Variants in LSAMP observed in about 807,000 individuals in gnomAD.
LSAMP encodes limbic system-associated membrane protein.
Under a neutral mutation model 38.6 loss-of-function variants are expected in LSAMP, and 7 were observed. The observed-to-expected ratio is 0.18, with a 90% CI of 0.10 to 0.34. The LOEUF (loss-of-function observed/expected upper bound fraction) is 0.34, where lower values mean the gene tolerates loss of function less well. LSAMP is among the 10% of genes least tolerant of loss of function. The probability of loss-of-function intolerance (pLI) is 1.00; values close to 1 mark genes in which losing one functional copy is unlikely to be tolerated. For missense variants in LSAMP, 313 were observed against 420.0 expected, an observed-to-expected ratio of 0.75 and a Z score of 2.23; for synonymous variants, 154 against 166.8, an observed-to-expected ratio of 0.92 and a Z score of 0.59.
intron 2 of LSAMP, among the ~76,000 whole-genome samples, chr3:116,064,124 C>T (rs990308722): frequency 3.3e-5 from 5 of 152,186 alleles, no homozygotes; most frequent in Non-Finnish European, 5.9e-5. Flanking sequence ...AAAGGTATAA[C>T]CTCTTCCTCT....
chr3:115,901,616 C>T (rs952222185), intron 3 of LSAMP, among the ~76,000 whole-genome samples: 7 of 152,120 alleles, frequency 4.6e-5, no homozygotes, highest in Admixed American at 2.0e-4. Flanking sequence ...ACTCAGTAAT[C>T]GAAGTCAGAA....
At chr3:116,338,273 A>T (rs752492925) in intron 1 of LSAMP, among the ~76,000 whole-genome samples, 1 of 151,972 alleles carries the variant, frequency 6.6e-6, no homozygotes, top group Admixed American at 6.6e-5. Flanking sequence ...GTGGATAAAT[A>T]CTGTAGGGTT....
At chr3:116,353,025 G>A (rs1401134691) in intron 1 of LSAMP, among the ~76,000 whole-genome samples, 1 of 152,030 alleles carries the variant, frequency 6.6e-6, no homozygotes, top group African/African-American at 2.4e-5. Flanking sequence ...ATTCAGCTGG[G>A]CTCTGTACCC....
chr3:116,221,312 ACT>A (rs1349711157), intron 1 of LSAMP, among the ~76,000 whole-genome samples: 1 of 152,190 alleles, frequency 6.6e-6, no homozygotes, highest in Non-Finnish European at 1.5e-5. Flanking sequence ...GAAAATTGAG[ACT>A]CTGCAAGTTA....
chr3:116,188,057 T>G (rs746026961), intron 1 of LSAMP, among the ~76,000 whole-genome samples: 25 of 152,026 alleles, frequency 1.6e-4, no homozygotes, highest in Non-Finnish European at 2.9e-4. Flanking sequence ...TTTGTACACG[T>G]TTTTCTATGC....
intron 1 of LSAMP, among the ~76,000 whole-genome samples, chr3:116,276,137 A>G (rs1041388198): frequency 6.6e-6 from 1 of 152,218 alleles, no homozygotes; most frequent in Non-Finnish European, 1.5e-5. Context: ...TAATTGGTTT[A>G]TACTTTAATA....
chr3:116,294,596 T>TAATC (rs2047305053), intron 1 of LSAMP, among the ~76,000 whole-genome samples: 1 of 152,226 alleles, frequency 6.6e-6, no homozygotes, highest in Non-Finnish European at 1.5e-5. Flanking sequence ...AGCATTATAG[T>TAATC]AATCAGTGTT....
intron 3 of LSAMP, among the ~76,000 whole-genome samples, chr3:115,880,557 C>T (rs138400220): frequency 2.0e-4 from 31 of 152,092 alleles, no homozygotes; most frequent in Admixed American, 1.0e-3. Context: ...TAAAGGACTA[C>T]GCTGAAAATT....
rs77526043 is a variant in LSAMP at position 116,131,489 on chromosome 3, G to A, written c.156-44933C>T. ...ACTGTCTTCTGGGAAAGAGATACTT[G>A]CTCTTCCCCCAAGGGACTTAAAGCC... On this transcript the variant is annotated intron_variant, in intron 1 of 6. Coordinates refer to ENST00000490035, the MANE Select transcript of LSAMP (RefSeq NM_002338.5). Among the ~76,000 whole-genome samples, 675 of 152,144 alleles carry A rather than the reference G, an allele frequency of 4.4e-3. 30 individuals are homozygous for A. In the East Asian group the frequency reaches 0.1, roughly 23 times the overall value.
At chr3:116,256,114 A>G (rs571473240) in intron 1 of LSAMP, among the ~76,000 whole-genome samples, 1 of 152,332 alleles carries the variant, frequency 6.6e-6, no homozygotes, top group African/African-American at 2.4e-5. Flanking sequence ...TGTTAATAGA[A>G]TTAAGCTTTT....
chr3:116,060,198 G>GTTTTGTTTTT (rs1941568211), intron 2 of LSAMP, among the ~76,000 whole-genome samples: 1 of 141,996 alleles, frequency 7.0e-6, no homozygotes, highest in African/African-American at 2.7e-5. Context: ...AAGCAACATA[G>GTTTTGTTTTT]TTTTTTTTTT....
intron 3 of LSAMP, among the ~76,000 whole-genome samples, chr3:115,909,120 G>A (rs965860156): frequency 1.3e-5 from 2 of 152,144 alleles, no homozygotes; most frequent in African/African-American, 4.8e-5. Flanking sequence ...TATCTGTCTA[G>A]GGCTGGGAAT....
chr3:115,861,175 T>C (rs973993205), intron 3 of LSAMP, among the ~76,000 whole-genome samples: 7 of 121,048 alleles, frequency 5.8e-5, no homozygotes, highest in Non-Finnish European at 1.0e-4. Flanking sequence ...CCTTCCTTCC[T>C]TCCTTCCTTC....
chr3:116,434,771 C>T (rs1418742437), intron 1 of LSAMP, among the ~76,000 whole-genome samples: 3 of 152,236 alleles, frequency 2.0e-5, no homozygotes, highest in East Asian at 1.9e-4. Flanking sequence ...AGGATGGTCT[C>T]GATCTCTTGA....
intron 1 of LSAMP, among the ~76,000 whole-genome samples, chr3:116,213,666 T>G (rs967575101): frequency 6.6e-6 from 1 of 152,162 alleles, no homozygotes; most frequent in Admixed American, 6.5e-5. Flanking sequence ...AAATATCCAC[T>G]GATAGATAAA....
intron 4 of LSAMP, among the ~76,000 whole-genome samples, chr3:115,850,552 G>T (rs1256108589): frequency 1.3e-5 from 2 of 152,122 alleles, no homozygotes; most frequent in Admixed American, 1.3e-4. Context: ...ATAACATTGC[G>T]ATCATTAATG....
At chr3:115,959,973 G>A (rs921648166) in intron 3 of LSAMP, among the ~76,000 whole-genome samples, 1 of 152,170 alleles carries the variant, frequency 6.6e-6, no homozygotes, top group Non-Finnish European at 1.5e-5. Flanking sequence ...TATAGAGAGA[G>A]TCCATGGGGA....
At chr3:116,146,430 G>A (rs577106607) in intron 1 of LSAMP, among the ~76,000 whole-genome samples, 1 of 151,912 alleles carries the variant, frequency 6.6e-6, no homozygotes, top group Non-Finnish European at 1.5e-5. Flanking sequence ...TGGCTTAGCA[G>A]CTGCTATTAC....
intron 3 of LSAMP, among the ~76,000 whole-genome samples, chr3:116,015,965 C>A (rs1940469269): frequency 6.6e-6 from 1 of 152,036 alleles, no homozygotes; most frequent in South Asian, 2.1e-4. Context: ...GCAAGACAGT[C>A]ACACTCTGTA....
Sources: gnomAD v4.1 joint callset for allele counts (sites outside exome capture counted in the v4.1 genomes callset) on GRCh38, gnomAD v4.1.1 for gene constraint, MANE v1.5 for transcripts, NCBI Gene and HGNC (gene_info 2026-07-23, HGNC 2026-07-21) for gene names.